ARHGAP18: variants seen among roughly 807,000 people sequenced by gnomAD.
ARHGAP18 encodes Rho GTPase activating protein 18.
Under a neutral mutation model 86.2 loss-of-function variants are expected in ARHGAP18, and 67 were observed. That is an observed-to-expected ratio of 0.78 (90% CI 0.64 to 0.95). The LOEUF (loss-of-function observed/expected upper bound fraction) is 0.95, where lower values mean the gene tolerates loss of function less well. Ranked by LOEUF, ARHGAP18 falls within the 40% of genes least tolerant of loss-of-function variation. The pLI is 0.00. For missense variants in ARHGAP18, 691 were observed against 780.4 expected, an observed-to-expected ratio of 0.89 and a Z score of 1.37; for synonymous variants, 283 against 280.4, an observed-to-expected ratio of 1.01 and a Z score of -0.09.
chr6:129,602,996 T>C, intron 10 of ARHGAP18, among the ~76,000 whole-genome samples: 1 of 150,758 alleles, frequency 6.6e-6, no homozygotes, highest in East Asian at 1.9e-4. Context: ...TTTATATATA[T>C]ATATATATAA....
intron 7 of ARHGAP18, among the ~76,000 whole-genome samples, chr6:129,614,121 T>C (rs1202622572): frequency 6.6e-6 from 1 of 152,210 alleles, no homozygotes; most frequent in Admixed American, 6.5e-5. Flanking sequence ...CTGAGTAAAA[T>C]AATATAACAG....
chr6:129,706,288 A>G (rs1774801076), intron 1 of ARHGAP18, among the ~76,000 whole-genome samples: 1 of 152,236 alleles, frequency 6.6e-6, no homozygotes, highest in South Asian at 2.1e-4. Flanking sequence ...TCTTATAAAT[A>G]TAGCTACTCA....
chr6:129,605,513 A>G (rs761999085), intron 10 of ARHGAP18, among the ~76,000 whole-genome samples: 2 of 152,158 alleles, frequency 1.3e-5, no homozygotes, highest in African/African-American at 2.4e-5. Context: ...TTAAACATTT[A>G]TATTTTACCT....
At chr6:129,679,676 C>A (rs1181518462) in intron 1 of ARHGAP18, among the ~76,000 whole-genome samples, 2 of 152,220 alleles carry the variant, frequency 1.3e-5, no homozygotes, top group East Asian at 1.9e-4. Flanking sequence ...GGTGTTCTTT[C>A]ATGAAAATTA....
intron 1 of ARHGAP18, among the ~76,000 whole-genome samples, chr6:129,655,159 A>G (rs9375650): frequency 0.19 from 28,254 of 151,732 alleles, 2,886 homozygotes; most frequent in Non-Finnish European, 0.22. Context: ...CATCTCTACT[A>G]AAATACAAAA....
intron 1 of ARHGAP18, among the ~76,000 whole-genome samples, chr6:129,684,938 A>T (rs1774400777): frequency 6.6e-6 from 1 of 152,192 alleles, no homozygotes; most frequent in Admixed American, 6.5e-5. Context: ...GATCCTAGAA[A>T]AGTGGAATGG....
At chr6:129,688,586 A>G (rs1774473065) in intron 1 of ARHGAP18, among the ~76,000 whole-genome samples, 1 of 152,168 alleles carries the variant, frequency 6.6e-6, no homozygotes, top group Non-Finnish European at 1.5e-5. Flanking sequence ...TGAGGTCAGG[A>G]GTTCAAGACC....
At chr6:129,578,653 T>A (rs1288254093) in intron 14 of ARHGAP18, 49 bp from the exon 15 acceptor site, 2 of 1,459,878 alleles carry the variant, frequency 1.4e-6, no homozygotes, top group Non-Finnish European at 1.9e-6. Context: ...TAGATTGGTA[T>A]GCAATTTTAA....
intron 1 of ARHGAP18, among the ~76,000 whole-genome samples, chr6:129,694,605 T>C (rs1774583068): frequency 6.6e-6 from 1 of 152,184 alleles, no homozygotes; most frequent in African/African-American, 2.4e-5. Context: ...AACTATCATG[T>C]TGGAATACAA....
At chr6:129,633,999 A>T in intron 4 of ARHGAP18, 43 bp downstream of exon 4, 5 of 1,506,160 alleles carry the variant, frequency 3.3e-6, no homozygotes, top group Non-Finnish European at 4.5e-6. Context: ...ATACTAATTA[A>T]AGGGCGGAAA....
intron 1 of ARHGAP18, among the ~76,000 whole-genome samples, chr6:129,700,677 T>G (rs1774694639): frequency 6.6e-6 from 1 of 152,218 alleles, no homozygotes; most frequent in Admixed American, 6.5e-5. Context: ...AACACGTACT[T>G]TATGTCAAGC....
intron 11 of ARHGAP18, among the ~76,000 whole-genome samples, chr6:129,600,086 G>A (rs1453093236): frequency 6.6e-6 from 1 of 152,064 alleles, no homozygotes; most frequent in African/African-American, 2.4e-5. Context: ...TCAAATAAGA[G>A]ATTGAAATAT....
intron 2 of ARHGAP18, 26 bp downstream of exon 2, chr6:129,641,790 A>G: frequency 6.3e-7 from 1 of 1,582,212 alleles, no homozygotes; most frequent in South Asian, 1.1e-5. Flanking sequence ...TACAAACAAC[A>G]AAAGCTTTAT....
chr6:129,608,129 C>A, intron 8 of ARHGAP18, 77 bp from the exon 9 acceptor site: 2 of 1,400,226 alleles, frequency 1.4e-6, no homozygotes. Context: ...GAGAGTATGA[C>A]ACATTTTCAC....
chr6:129,685,326 G>C (rs1774406121), intron 1 of ARHGAP18, among the ~76,000 whole-genome samples: 2 of 152,030 alleles, frequency 1.3e-5, no homozygotes, highest in South Asian at 4.2e-4. Context: ...GGCCAACATG[G>C]TAAAAACTCA....
chr6:129,598,997 T>G (rs938285858), intron 12 of ARHGAP18: 58 of 348,060 alleles, frequency 1.7e-4, no homozygotes, highest in African/African-American at 1.1e-3. Context: ...TGTTCCCCAT[T>G]AACAACTCAC....
At chr6:129,702,784 G>A (rs1774737626) in intron 1 of ARHGAP18, among the ~76,000 whole-genome samples, 2 of 152,156 alleles carry the variant, frequency 1.3e-5, no homozygotes, top group Admixed American at 1.3e-4. Flanking sequence ...TGGATCACCT[G>A]AGGTCAGGAG....
rs77185651 is a variant in ARHGAP18, at chr6:129,709,726, A to G, written c.113+298T>C. On this transcript the variant is annotated intron_variant, in intron 1 of 14. Transcript: ENST00000368149. ...GAAAGGAAGTGTTTCAGATAGACCT[A>G]TTTGATCTTTCAGCATGTGCAAATG... Among the ~76,000 whole-genome samples, 78 of 152,330 alleles carry G rather than the reference A, an allele frequency of 5.1e-4. 1 individual carries two copies. Among genetic ancestry groups the G allele is most frequent in the South Asian group, 8.3e-4 (4 of 4,828 alleles).
intron 7 of ARHGAP18, among the ~76,000 whole-genome samples, chr6:129,612,432 G>A (rs1788998879): frequency 6.6e-6 from 1 of 152,036 alleles, no homozygotes; most frequent in Non-Finnish European, 1.5e-5. Flanking sequence ...TTCCTCCCTG[G>A]CACCCACTCT....
Sources: allele counts gnomAD v4.1 joint callset (sites outside exome capture counted in the v4.1 genomes callset), GRCh38; gene constraint gnomAD v4.1.1; transcripts MANE v1.5; gene names NCBI Gene and HGNC (gene_info 2026-07-23, HGNC 2026-07-21).